The following BANP variants were observed in gnomAD, a reference collection of about 807,000 sequenced individuals.
BANP encodes protein BANP.
Under a neutral mutation model 68.1 loss-of-function variants are expected in BANP, and 11 were observed. The observed-to-expected ratio is 0.16, with a 90% CI of 0.10 to 0.27. BANP has a LOEUF of 0.27. BANP is among the 10% of genes least tolerant of loss of function. BANP has a pLI of 1.00. For missense variants in BANP, 504 were observed against 722.7 expected (o/e 0.70, Z 3.47); for synonymous variants, 329 against 303.2 (o/e 1.09, Z -0.88).
intron 11 of BANP, among the ~76,000 whole-genome samples, chr16:88,043,430 G>C (rs556054225): frequency 1.3e-5 from 2 of 152,198 alleles, no homozygotes; most frequent in South Asian, 4.1e-4. Flanking sequence ...TGCCTCACTG[G>C]GGGTGTGAGG....
At chr16:87,983,260 C>A (rs1376028575) in intron 3 of BANP, among the ~76,000 whole-genome samples, 1 of 152,184 alleles carries the variant, frequency 6.6e-6, no homozygotes, top group Admixed American at 6.5e-5. Flanking sequence ...CCTCCCTAGA[C>A]CTGAAGGAGT....
intron 8 of BANP, among the ~76,000 whole-genome samples, chr16:88,029,306 CAAA>C (rs59989652): frequency 5.9e-4 from 33 of 55,754 alleles, no homozygotes; most frequent in Admixed American, 9.2e-4. Flanking sequence ...GACTGTATCT[CAAA>C]AAAAAAAAAA....
At chr16:88,037,950 T>G in intron 10 of BANP, 23 bp from the exon 11 acceptor site, 1 of 1,612,808 alleles carries the variant, frequency 6.2e-7, no homozygotes, top group South Asian at 1.1e-5. Context: ...CTCATGACCG[T>G]CTCCTCCTCT....
intron 11 of BANP, among the ~76,000 whole-genome samples, chr16:88,050,261 A>T (rs374911057): frequency 6.6e-6 from 1 of 152,078 alleles, no homozygotes; most frequent in African/African-American, 2.4e-5. Context: ...GGCTCAGGCA[A>T]TCCTCCCACC....
At chr16:87,984,814 T>C (rs1010716648) in intron 4 of BANP, among the ~76,000 whole-genome samples, 4 of 152,230 alleles carry the variant, frequency 2.6e-5, no homozygotes, top group Non-Finnish European at 5.9e-5. Flanking sequence ...TCCTGTCAGA[T>C]ATTCCAGCCG....
chr16:88,012,700 C>G (rs118024119), intron 6 of BANP, among the ~76,000 whole-genome samples: 1 of 152,172 alleles, frequency 6.6e-6, no homozygotes, highest in Non-Finnish European at 1.5e-5. Flanking sequence ...GTTAGGGCTT[C>G]GGTCTTGGAC....
chr16:88,014,560 T>A (rs953752146), intron 6 of BANP, among the ~76,000 whole-genome samples: 2 of 152,092 alleles, frequency 1.3e-5, no homozygotes, highest in Admixed American at 1.3e-4. Flanking sequence ...TTTAAAAATA[T>A]TATCTCACCA....
intron 11 of BANP, among the ~76,000 whole-genome samples, chr16:88,044,914 G>A (rs150785422): frequency 0.016 from 2,496 of 152,164 alleles, 73 homozygotes; most frequent in African/African-American, 0.057. Context: ...CCCTGGAGGC[G>A]GAGCTTGCAT....
At chr16:87,984,804 T>A (rs1226846326) in intron 4 of BANP, among the ~76,000 whole-genome samples, 1 of 152,228 alleles carries the variant, frequency 6.6e-6, no homozygotes, top group Middle Eastern at 3.2e-3. Context: ...ATCCGAGGCT[T>A]CCTGTCAGAT....
intron 8 of BANP, among the ~76,000 whole-genome samples, chr16:88,032,647 A>C (rs1441533960): frequency 6.6e-6 from 1 of 152,276 alleles, no homozygotes; most frequent in African/African-American, 2.4e-5. Context: ...ACATCATTAC[A>C]GTGAAAATTA....
intron 11 of BANP, among the ~76,000 whole-genome samples, chr16:88,048,956 G>A (rs1484418017): frequency 6.6e-6 from 1 of 152,176 alleles, no homozygotes; most frequent in African/African-American, 2.4e-5. Flanking sequence ...CGGTGCACTG[G>A]ACTCTGGTGT....
At position 88,036,824 on chromosome 16, in the gene BANP, C is replaced by A. The variant is rs1279154376; in HGVS notation, c.1273-1149C>A. Among the ~76,000 whole-genome samples, 5 of 152,144 alleles carry A rather than the reference C, an allele frequency of 3.3e-5. No individual in the cohort carries two copies. Among genetic ancestry groups the A allele is most frequent in the Non-Finnish European group, 7.4e-5 (5 of 68,024 alleles). On this transcript the variant is annotated intron_variant, in intron 10 of 13. Coordinates refer to ENST00000682872, the MANE Select transcript of BANP (RefSeq NM_001386991.1). The surrounding 1 kb of genome is among the most constrained non-coding windows in gnomAD (Gnocchi z 4.2). ...AGTGTCCAGGAAGGAGCAGGGCCTTCCCTGTTCTGTGTCTGTGGGTGGGTC... is the reference window on the plus strand; with the variant it reads ...AGTGTCCAGGAAGGAGCAGGGCCTTACCTGTTCTGTGTCTGTGGGTGGGTC...
intron 12 of BANP, among the ~76,000 whole-genome samples, chr16:88,068,706 C>T (rs866537963): frequency 1.4e-4 from 21 of 152,126 alleles, no homozygotes; most frequent in South Asian, 6.2e-4. Context: ...TGCCTGGGCG[C>T]GTGGTGGAAC....
At chr16:88,013,386 A>G (rs1157568886) in intron 6 of BANP, among the ~76,000 whole-genome samples, 1 of 152,216 alleles carries the variant, frequency 6.6e-6, no homozygotes, top group Non-Finnish European at 1.5e-5. Context: ...GGCCTGCCCC[A>G]TGCCTAGTTC....
rs574265515 is a variant in BANP, at chr16:87,975,911, A to G, written c.70+726A>G. Among the ~76,000 whole-genome samples the G allele has an allele frequency of 2.6e-4, 38 of 145,924 alleles. 1 individual carries two copies. The highest frequency in any genetic ancestry group is 9.0e-4 in the African/African-American group (35 of 39,064). Reference sequence around the variant, plus strand: ...TAATCCCCTGTGTGTGGTGTCATGGAACCTTACCATGTGGTGTGTGTAATC... The same window carrying G: ...TAATCCCCTGTGTGTGGTGTCATGGGACCTTACCATGTGGTGTGTGTAATC... On this transcript the variant is annotated intron_variant, in intron 2 of 13. Coordinates refer to ENST00000682872, the MANE Select transcript of BANP (RefSeq NM_001386991.1).
intron 11 of BANP, among the ~76,000 whole-genome samples, chr16:88,050,245 C>A (rs1031124466): frequency 2.6e-5 from 4 of 152,214 alleles, no homozygotes; most frequent in African/African-American, 9.6e-5. Flanking sequence ...CAGCCTCTGC[C>A]TCCCGGGCTC....
chr16:88,055,281 C>A (rs184132053), intron 11 of BANP, among the ~76,000 whole-genome samples: 1 of 151,978 alleles, frequency 6.6e-6, no homozygotes, highest in East Asian at 1.9e-4. Flanking sequence ...CACCCACCCA[C>A]CCCCTCCGCA....
rs767804601 is a variant in BANP at position 88,071,618 on chromosome 16, G to A, written c.1378-451G>A. On this transcript the variant is annotated intron_variant, in intron 12 of 13. Transcript: ENST00000682872. This position sits in a 1 kb window ranked among gnomAD's most constrained non-coding sequence, Gnocchi z 6.5. ...TGAGCCCTTGAGGTCACTCTGCCTT[G>A]GGAATGGGGAGGGTTTGGGTCTCAG... is the stretch of plus-strand genomic sequence containing the variant. The A allele has an allele frequency of 5.2e-5, 24 of 460,690 alleles. No individual in the cohort carries two copies. In the Middle Eastern group the frequency reaches 1.9e-3, roughly 37 times the overall value. 28.5% of individuals were successfully genotyped at this position (460,690 alleles called of 1,614,324 possible).
intron 4 of BANP, among the ~76,000 whole-genome samples, chr16:87,995,931 C>T (rs926206701): frequency 5.9e-5 from 9 of 152,240 alleles, no homozygotes. Context: ...TTCTCACTTG[C>T]TGAGCGTTCA....
Sources: allele counts gnomAD v4.1 joint callset (sites outside exome capture counted in the v4.1 genomes callset), GRCh38; gene constraint gnomAD v4.1.1; non-coding constraint Gnocchi (gnomAD v3.1); transcripts MANE v1.5; gene names NCBI Gene and HGNC (gene_info 2026-07-23, HGNC 2026-07-21).